NEB: variants seen among roughly 807,000 people sequenced by gnomAD.
The protein encoded by NEB is nemaline myopathy type 2.
A neutral mutation model predicts 952.2 loss-of-function variants in NEB; 512 were observed. The ratio of observed to expected loss-of-function variants is 0.54; its 90% CI spans 0.50 to 0.58. The LOEUF is 0.58. Among genes scored for constraint, NEB ranks in the 20% least tolerant of loss-of-function variants. The pLI, the probability that NEB is intolerant of heterozygous loss-of-function variation, is 0.00. For synonymous variants in NEB, 2,900 were observed against 3,149.8 expected, an observed-to-expected ratio of 0.92 and a Z score of 2.66; for missense variants, 8,428 against 9,231.1, an observed-to-expected ratio of 0.91 and a Z score of 3.56.
Position 151,568,427 on chromosome 2 carries a change from A to AT in NEB, c.17635-11_17635-10insA. 2 of 1,610,548 alleles carry AT rather than the reference A, an allele frequency of 1.2e-6. No individual in the cohort carries two copies. Among genetic ancestry groups the AT allele is most frequent in the Non-Finnish European group, 1.7e-6 (2 of 1,177,282 alleles). On this transcript the variant is annotated splice_polypyrimidine_tract_variant and intron_variant, in intron 111 of 181. Transcript: ENST00000397345. ...CTTTCCGGTATTTAATCTAAAAAAA[A>AT]AAAAATGAGAGGCAAGGGGGCAAGT... is the stretch of plus-strand genomic sequence containing the variant.
chr2:151,489,646 A>C (rs887502381), intron 181 of NEB, among the ~76,000 whole-genome samples: 1 of 152,152 alleles, frequency 6.6e-6, no homozygotes, highest in African/African-American at 2.4e-5. Flanking sequence ...ATCCTCCTGC[A>C]TCAGCGTCCC....
Position 151,659,319 on chromosome 2 carries a change from C to T in NEB, c.5971-150G>A, listed in dbSNP as rs1399725406. The T allele has an allele frequency of 1.4e-5, 7 of 504,816 alleles. 1 individual carries two copies. In the East Asian group the frequency reaches 1.8e-4, roughly 13 times the overall value. The allele number at this position is 504,816 out of a possible 1,614,324, so 31.3% of individuals were successfully genotyped here. A position where few individuals can be genotyped will look rare whatever the true frequency, so the allele number is the denominator to read the frequency against. On this transcript the variant is annotated intron_variant, in intron 46 of 181. Coordinates refer to ENST00000397345, the MANE Select transcript of NEB (RefSeq NM_001164508.2). Reference sequence around the variant, plus strand: ...ATTTATTTATTTATTATTTTTGAGACAGAGTCTTGCGCTGTCACCCAGGCT... The same window carrying T: ...ATTTATTTATTTATTATTTTTGAGATAGAGTCTTGCGCTGTCACCCAGGCT...
At chr2:151,543,948 T>G (rs1037468199) in intron 135 of NEB, among the ~76,000 whole-genome samples, 2 of 152,238 alleles carry the variant, frequency 1.3e-5, no homozygotes, top group African/African-American at 2.4e-5. Flanking sequence ...AGTCGGTAAC[T>G]TCTTTTGGCC....
At chr2:151,591,117 A>G (rs2153854905) in intron 96 of NEB, among the ~76,000 whole-genome samples, 1 of 107,518 alleles carries the variant, frequency 9.3e-6, no homozygotes, top group East Asian at 2.8e-4. Context: ...TGACATTGTG[A>G]AGATATTGAA....
At chr2:151,545,740 A>G (rs2094589025) in intron 135 of NEB, 148 bp downstream of exon 135, 2 of 585,820 alleles carry the variant, frequency 3.4e-6, no homozygotes, top group South Asian at 2.4e-5. Context: ...GCTTAGACAT[A>G]GTAGCCATTC....
At chr2:151,613,669 G>A (rs1013900822) in intron 77 of NEB, among the ~76,000 whole-genome samples, 1 of 152,182 alleles carries the variant, frequency 6.6e-6, no homozygotes, top group African/African-American at 2.4e-5. Flanking sequence ...GGAGGGGCCT[G>A]GTGGGAGGTG....
chr2:151,527,888 T>G (rs974812307), intron 146 of NEB, among the ~76,000 whole-genome samples: 1 of 152,344 alleles, frequency 6.6e-6, no homozygotes, highest in South Asian at 2.1e-4. Context: ...TCGAGTACTT[T>G]TAATTTCAAA....
In NEB at chr2:151,533,489, G is replaced by A. The variant is rs756984541; in HGVS notation, c.21370C>T (p.Arg7124Cys). ...FLQHGCNEIL[R>C]PDMLTALYNS... ...TAGAGAGCAGTCAACATATCTGGAC[G>A]CAGAATTTCATTACATCCATGTTGC... Residue 7124 changes from arginine to cysteine, a missense_variant, in exon 143 of 182, where the codon CGT becomes TGT. This residue lies in a region of NEB where 3,374 missense variants were observed against 3,651.5 expected (regional missense o/e 0.92). Transcript: ENST00000397345. 26 of 1,551,334 alleles carry A rather than the reference G, an allele frequency of 1.7e-5. No homozygotes were observed. Among genetic ancestry groups the A allele is most frequent in the Non-Finnish European group, 1.9e-5 (22 of 1,146,824 alleles).
intron 13 of NEB, among the ~76,000 whole-genome samples, chr2:151,698,064 TCAAAACAAAA>T (rs56333529): frequency 3.3e-4 from 50 of 150,720 alleles, no homozygotes; most frequent in African/African-American, 8.1e-4. Flanking sequence ...AGACTCCGTC[TCAAAACAAAA>T]CAAAACAAAA....
chr2:151,671,297 C>A, intron 37 of NEB, 68 bp from the exon 38 acceptor site: 1 of 1,297,074 alleles, frequency 7.7e-7, no homozygotes, highest in African/African-American at 1.5e-5. Flanking sequence ...CTGGGATCTG[C>A]AATTCTATCC....
rs1414942335 is a variant in NEB at position 151,669,464 on chromosome 2, T to C, written c.4507-333A>G. Among the ~76,000 whole-genome samples the C allele has an allele frequency of 2.0e-5, 3 of 152,204 alleles. No individual in the cohort carries two copies. In the East Asian group the frequency reaches 5.8e-4, roughly 29 times the overall value. ...AACTATCACTAGAATTTGTGATGTG[T>C]TGTCAATGGAATCATTGTAGCAAAG... On this transcript the variant is annotated intron_variant, in intron 38 of 181. Coordinates refer to ENST00000397345, the MANE Select transcript of NEB (RefSeq NM_001164508.2).
rs757175445 is a variant in NEB, at chr2:151,610,829, G to A, written c.11843C>T (p.Ser3948Phe). The change falls in exon 79 of 182, where the codon TCC becomes TTC. Residue 3948 changes from serine (S) to phenylalanine (F), a missense_variant. This residue lies in a region of NEB where 337 missense variants were observed against 297.5 expected (regional missense o/e 1.13). Transcript: ENST00000397345. ...TGGGGTGTCTGGCATCACGTGGATG[G>A]AGGTTTTGTCAGCATCCCAAGCTTC... ...YTEAWDADKT[S>F]IHVMPDTPDI... 5 of 1,603,726 alleles carry A rather than the reference G, an allele frequency of 3.1e-6. No individual in the cohort carries two copies. The East Asian group carries it at 1.1e-4, about 36-fold the overall frequency.
chr2:151,655,667 G>T, intron 50 of NEB, 150 bp downstream of exon 50: 1 of 728,056 alleles, frequency 1.4e-6, no homozygotes, highest in Non-Finnish European at 2.2e-6. Context: ...ATAAGAGATG[G>T]GCAGAAGAAG....
At chr2:151,632,751 T>C (rs2098694597) in intron 65 of NEB, among the ~76,000 whole-genome samples, 1 of 151,796 alleles carries the variant, frequency 6.6e-6, no homozygotes, top group African/African-American at 2.4e-5. Context: ...TTTCAAATAC[T>C]TCCCACATTA....
chr2:151,684,171 T>C (rs753227351), intron 28 of NEB, among the ~76,000 whole-genome samples: 1 of 152,216 alleles, frequency 6.6e-6, no homozygotes, highest in Non-Finnish European at 1.5e-5. Context: ...TTAACACCAC[T>C]GAACTGTACA....
At chr2:151,620,162 G>C (rs1037695838) in intron 72 of NEB, among the ~76,000 whole-genome samples, 1 of 151,620 alleles carries the variant, frequency 6.6e-6, no homozygotes, top group African/African-American at 2.4e-5. Context: ...CTTCACAATT[G>C]ATTTGGGAGA....
chr2:151,493,268 G>C, intron 176 of NEB, 85 bp downstream of exon 176: 1 of 1,048,154 alleles, frequency 9.5e-7, no homozygotes, highest in Non-Finnish European at 1.4e-6. Context: ...GTGTTTTTCA[G>C]TTGAATGAGA....
chr2:151,664,951 TA>T, intron 42 of NEB, 88 bp from the exon 43 acceptor site: 1 of 899,770 alleles, frequency 1.1e-6, no homozygotes, highest in Non-Finnish European at 1.7e-6. Flanking sequence ...AACTCCATGG[TA>T]AAAGAGGTTA....
intron 1 of NEB, among the ~76,000 whole-genome samples, 186 bp downstream of exon 1, chr2:151,734,212 T>G (rs2099816011): frequency 6.6e-6 from 1 of 152,202 alleles, no homozygotes; most frequent in African/African-American, 2.4e-5. Context: ...GACTTGACTC[T>G]AATCACACAC....
Sources: gnomAD v4.1 joint callset for allele counts (sites outside exome capture counted in the v4.1 genomes callset) on GRCh38, gnomAD v4.1.1 for gene constraint, gnomAD v4.1.1 regional missense constraint, MANE v1.5 for transcripts, NCBI Gene and HGNC (gene_info 2026-07-23, HGNC 2026-07-21) for gene names.